The following GRM8 variants were observed in gnomAD, a reference collection of about 807,000 sequenced individuals.
GRM8 encodes glutamate metabotropic receptor 8.
In GRM8, 47 loss-of-function variants were observed where a neutral mutation model predicts 87.2. The observed-to-expected ratio is 0.54, with a 90% confidence interval of 0.43 to 0.69. The LOEUF (loss-of-function observed/expected upper bound fraction) is 0.69, where lower values mean the gene tolerates loss of function less well. Ranked by LOEUF, GRM8 falls within the 30% of genes least tolerant of loss-of-function variation. GRM8 has a pLI of 0.00. For missense variants in GRM8, 1,019 were observed against 1,139.2 expected (o/e 0.89, Z 1.52); for synonymous variants, 396 against 404.5 (o/e 0.98, Z 0.25).
chr7:126,615,531 C>A (rs1289477335), intron 7 of GRM8, among the ~76,000 whole-genome samples: 1 of 152,114 alleles, frequency 6.6e-6, no homozygotes, highest in African/African-American at 2.4e-5. Context: ...ACAATATTAA[C>A]CTTAAATATA....
chr7:126,769,198 T>G (rs561956707), intron 7 of GRM8, among the ~76,000 whole-genome samples: 1 of 152,206 alleles, frequency 6.6e-6, no homozygotes, highest in Admixed American at 6.6e-5. Context: ...AACAGCAGCA[T>G]TCAATAATTC....
intron 2 of GRM8, among the ~76,000 whole-genome samples, chr7:127,180,586 G>A (rs1440696773): frequency 6.6e-6 from 1 of 152,056 alleles, no homozygotes; most frequent in African/African-American, 2.4e-5. Flanking sequence ...GAACATTGAT[G>A]CTAAAATCCT....
intron 3 of GRM8, among the ~76,000 whole-genome samples, chr7:126,911,281 C>T (rs985659178): frequency 2.6e-5 from 4 of 152,108 alleles, no homozygotes; most frequent in Admixed American, 1.3e-4. Flanking sequence ...ACAATGTGAT[C>T]GGGGCAATTT....
chr7:127,214,739 C>CAGGTGGG (rs1796424770), intron 2 of GRM8, among the ~76,000 whole-genome samples: 1 of 152,220 alleles, frequency 6.6e-6, no homozygotes, highest in South Asian at 2.1e-4. Context: ...CCTCCCCTGA[C>CAGGTGGG]AGGTGGGGAA....
chr7:126,602,332 G>A (rs867193362), intron 8 of GRM8, among the ~76,000 whole-genome samples: 34 of 143,354 alleles, frequency 2.4e-4, no homozygotes, highest in Middle Eastern at 3.5e-3. Flanking sequence ...TTTGGTTACT[G>A]TAGCCTTGTA....
chr7:127,159,190 G>A (rs911819725), intron 2 of GRM8, among the ~76,000 whole-genome samples: 18 of 152,134 alleles, frequency 1.2e-4, no homozygotes, highest in African/African-American at 3.1e-4. Context: ...TGTTGTGTGC[G>A]AACTAATAAT....
At chr7:126,993,804 G>A (rs1812906840) in intron 3 of GRM8, among the ~76,000 whole-genome samples, 1 of 152,220 alleles carries the variant, frequency 6.6e-6, no homozygotes, top group Non-Finnish European at 1.5e-5. Context: ...CCTAACCAGA[G>A]AGGAAGTGCC....
At chr7:126,903,781 A>ATATG (rs898442903) in intron 5 of GRM8, among the ~76,000 whole-genome samples, 191 bp downstream of exon 5, 2 of 143,234 alleles carry the variant, frequency 1.4e-5, no homozygotes, top group African/African-American at 5.4e-5. Context: ...GTGTGTATAT[A>ATATG]TATATATATA....
At chr7:126,966,948 A>G (rs1339079118) in intron 3 of GRM8, among the ~76,000 whole-genome samples, 1 of 152,222 alleles carries the variant, frequency 6.6e-6, no homozygotes, top group Non-Finnish European at 1.5e-5. Flanking sequence ...TGGGGCTGCT[A>G]GCTTTGTAAT....
intron 7 of GRM8, among the ~76,000 whole-genome samples, chr7:126,642,412 G>A (rs944072763): frequency 2.0e-5 from 3 of 152,144 alleles, no homozygotes; most frequent in African/African-American, 7.2e-5. Flanking sequence ...GCTGAGGCGG[G>A]CAGATCACAA....
chr7:127,203,276 ATAAG>A (rs1276553158), intron 2 of GRM8, among the ~76,000 whole-genome samples: 1 of 152,202 alleles, frequency 6.6e-6, no homozygotes, highest in Non-Finnish European at 1.5e-5. Flanking sequence ...ACTGGGGGTT[ATAAG>A]GGGTGCAGGC....
rs1794218930 is a variant in GRM8, at chr7:126,566,392, TC to T, written c.1495-32506del. On this transcript the variant is annotated intron_variant, in intron 8 of 10. Transcript: ENST00000339582. The stretch of plus-strand genomic sequence containing the variant: ...TGAATACACATTTATCCAAAGAAGA[TC>T]TACAAATGGACAATAGCTATGAGAA... Among the ~76,000 whole-genome samples the T allele has an allele frequency of 5.3e-5, 8 of 152,212 alleles. No homozygotes were observed. The South Asian group carries it at 1.7e-3, about 32-fold the overall frequency.
chr7:127,142,671 A>G (rs956287563), intron 2 of GRM8, among the ~76,000 whole-genome samples: 7 of 152,276 alleles, frequency 4.6e-5, no homozygotes, highest in African/African-American at 1.4e-4. Flanking sequence ...AATAGGCTTG[A>G]TAGATGCATG....
At chr7:126,963,614 G>T (rs570436273) in intron 3 of GRM8, among the ~76,000 whole-genome samples, 8 of 152,246 alleles carry the variant, frequency 5.3e-5, no homozygotes, top group African/African-American at 1.9e-4. Context: ...ACTTACAAGG[G>T]ATATGAAGGA....
chr7:126,568,117 TTA>T (rs891465467), intron 8 of GRM8, among the ~76,000 whole-genome samples: 4 of 152,064 alleles, frequency 2.6e-5, no homozygotes, highest in Non-Finnish European at 5.9e-5. Flanking sequence ...GCCTACTGTT[TTA>T]TATTAGTTTT....
chr7:126,854,720 C>G (rs1797523491), intron 6 of GRM8, among the ~76,000 whole-genome samples: 1 of 152,190 alleles, frequency 6.6e-6, no homozygotes, highest in Non-Finnish European at 1.5e-5. Context: ...CTTTACTGTG[C>G]TTCTGTAGCT....
At position 126,904,617 on chromosome 7, in the gene GRM8, A is replaced by G. The variant is rs17150343; in HGVS notation, c.794T>C (p.Ile265Thr). 675 of 1,613,714 alleles carry G rather than the reference A, an allele frequency of 4.2e-4. 3 individuals are homozygous for G. The African/African-American group carries it at 7.9e-3, about 19-fold the overall frequency. The change falls in exon 4 of 11, where the codon ATT (isoleucine) becomes ACT (threonine). Residue 265 changes from isoleucine to threonine, a missense_variant. Transcript: ENST00000339582. ...AGGTGTTTCTAGCAGGCGTTTGATA[A>G]TTTTTTCAAATTCTCCAGGTCTTGG... ...REPRPGEFEK[I>T]IKRLLETPNA...
intron 9 of GRM8, among the ~76,000 whole-genome samples, chr7:126,498,418 A>G (rs1809102109): frequency 6.6e-6 from 1 of 151,934 alleles, no homozygotes; most frequent in Non-Finnish European, 1.5e-5. Context: ...TTGACCCATG[A>G]CCATTAGTGG....
At chr7:126,606,419 T>C (rs1467843502) in intron 8 of GRM8, among the ~76,000 whole-genome samples, 1 of 152,196 alleles carries the variant, frequency 6.6e-6, no homozygotes, top group African/African-American at 2.4e-5. Flanking sequence ...ATTACAACCA[T>C]ATAAGGTGGG....
Sources: gnomAD v4.1 joint callset for allele counts (sites outside exome capture counted in the v4.1 genomes callset) on GRCh38, gnomAD v4.1.1 for gene constraint, MANE v1.5 for transcripts, NCBI Gene and HGNC (gene_info 2026-07-23, HGNC 2026-07-21) for gene names.